ZBTB40: variants seen among roughly 807,000 people sequenced by gnomAD.
The protein encoded by ZBTB40 is zinc finger and BTB domain-containing protein 40.
In ZBTB40, 60 loss-of-function variants were observed where a neutral mutation model predicts 117.5. The ratio of observed to expected loss-of-function variants is 0.51; its 90% CI spans 0.41 to 0.63. The LOEUF (loss-of-function observed/expected upper bound fraction) is 0.63. Ranked by LOEUF, ZBTB40 falls within the 30% of genes least tolerant of loss-of-function variation. The pLI, the probability that ZBTB40 is intolerant of heterozygous loss-of-function variation, is 0.00. For missense variants in ZBTB40, 1,287 were observed against 1,498.5 expected (o/e 0.86, Z 2.33); for synonymous variants, 525 against 577.1 (o/e 0.91, Z 1.29).
intron 1 of ZBTB40, among the ~76,000 whole-genome samples, chr1:22,438,171 A>G (rs974145764): frequency 2.0e-5 from 3 of 152,134 alleles, no homozygotes; most frequent in Admixed American, 1.3e-4. Flanking sequence ...CCATTAAACA[A>G]TAACTCCCCA....
At chr1:22,487,994 G>T (rs186227428) in intron 1 of ZBTB40, among the ~76,000 whole-genome samples, 58 of 152,220 alleles carry the variant, frequency 3.8e-4, no homozygotes, top group African/African-American at 1.3e-3. Context: ...TTATCTGCAT[G>T]CCTCATGCAG....
chr1:22,519,289 T>A (rs1201311490), intron 13 of ZBTB40, among the ~76,000 whole-genome samples: 1 of 152,268 alleles, frequency 6.6e-6, no homozygotes, highest in Non-Finnish European at 1.5e-5. Context: ...GTATTCTTCA[T>A]CACTACTAGT....
intron 13 of ZBTB40, among the ~76,000 whole-genome samples, chr1:22,519,174 A>G (rs143883594): frequency 1.2e-3 from 189 of 152,384 alleles, no homozygotes; most frequent in African/African-American, 3.7e-3. Flanking sequence ...AATCTGAATC[A>G]ATGCACATAA....
At position 22,518,992 on chromosome 1, in the gene ZBTB40, C is replaced by T. The variant is rs139086202; in HGVS notation, c.2834-1069C>T. 2.6e-5 allele frequency among the ~76,000 whole-genome samples: 4 copies of T among 152,262 alleles called. No individual in the cohort carries two copies. The South Asian group carries it at 8.3e-4, about 32-fold the overall frequency. On this transcript the variant is annotated intron_variant, in intron 13 of 17. Transcript: ENST00000375647. ...ATCCGTGGCAGGCCTAGCATCCAGGCCCCCCTCTCTCTCCCATTTCTTGCC... is the reference window on the plus strand; with the variant it reads ...ATCCGTGGCAGGCCTAGCATCCAGGTCCCCCTCTCTCTCCCATTTCTTGCC...
chr1:22,443,382 GA>G (rs1640755066), intron 1 of ZBTB40, among the ~76,000 whole-genome samples: 1 of 152,222 alleles, frequency 6.6e-6, no homozygotes, highest in South Asian at 2.1e-4. Flanking sequence ...TTTCAGCCCA[GA>G]AAGGCAGAAC....
At chr1:22,436,996 C>T (rs1164852997) in intron 1 of ZBTB40, among the ~76,000 whole-genome samples, 2 of 151,924 alleles carry the variant, frequency 1.3e-5, no homozygotes, top group African/African-American at 2.4e-5. Flanking sequence ...GAGTGTTGAA[C>T]TGGGAAAGAG....
At chr1:22,483,798 T>C (rs1218897844) in intron 1 of ZBTB40, among the ~76,000 whole-genome samples, 1 of 152,214 alleles carries the variant, frequency 6.6e-6, no homozygotes, top group African/African-American at 2.4e-5. Context: ...GGATTGTGCC[T>C]TTGGTGTTGT....
rs1638596738 is a variant in ZBTB40, at chr1:22,490,461, G to A, written c.513G>A (p.Val171=). 6.2e-7 allele frequency: 1 copy of A among 1,601,388 alleles called. No individual in the cohort carries two copies. The highest frequency in any genetic ancestry group is 1.3e-5 in the African/African-American group (1 of 74,338). Residue 171 remains valine (V), a synonymous_variant, in exon 2 of 18, where the codon GTG becomes GTA. Coordinates refer to ENST00000375647, the MANE Select transcript of ZBTB40 (RefSeq NM_014870.4). The part of the protein sequence containing the change: ...PELAATPGGP[V]KAETEEAAHS... ...TTGCTGCCACTCCAGGGGGCCCTGT[G>A]AAAGCTGAGACTGAGGAAGCAGCCC...
chr1:22,458,605 A>C (rs1024248544), intron 1 of ZBTB40, among the ~76,000 whole-genome samples: 2 of 152,194 alleles, frequency 1.3e-5, no homozygotes. Flanking sequence ...AATATATGCT[A>C]CTTGAGATGT....
In ZBTB40 at chr1:22,524,286, G is replaced by C. The variant is rs1639616496; in HGVS notation, c.3367G>C (p.Val1123Leu). Reference protein sequence around the residue: ...FRFPGALQHHVTTEHFKQSET... With the variant: ...FRFPGALQHHLTTEHFKQSET... The stretch of plus-strand genomic sequence containing the variant: ...TTTTCCTGGAGCATTGCAGCACCAT[G>C]TCACCACGGAGCACTTCAAGCAGTC... Residue 1123 changes from valine to leucine, a missense_variant, in exon 17 of 18, where the codon GTC becomes CTC. Transcript: ENST00000375647. 7 of 1,614,034 alleles carry C rather than the reference G, an allele frequency of 4.3e-6. No homozygotes were observed. The highest frequency in any genetic ancestry group is 5.9e-6 in the Non-Finnish European group (7 of 1,180,042).
chr1:22,454,858 A>G (rs1354510939), intron 1 of ZBTB40, among the ~76,000 whole-genome samples: 5 of 152,388 alleles, frequency 3.3e-5, no homozygotes, highest in Admixed American at 3.3e-4. Context: ...TGTTACACAT[A>G]TTGCTGAATA....
At chr1:22,484,724 C>G (rs143707388) in intron 1 of ZBTB40, among the ~76,000 whole-genome samples, 6 of 152,290 alleles carry the variant, frequency 3.9e-5, no homozygotes, top group African/African-American at 1.4e-4. Flanking sequence ...TGTTTATAAT[C>G]CCAGCAGGAA....
At position 22,512,091 on chromosome 1, in the gene ZBTB40, A is replaced by G. The variant is rs1557518391; in HGVS notation, c.2418A>G (p.Pro806=). The change falls in exon 11 of 18, where the codon CCA becomes CCG. Residue 806 remains proline (P), a synonymous_variant. Coordinates refer to ENST00000375647, the MANE Select transcript of ZBTB40 (RefSeq NM_014870.4). ...DAPKKKKKRL[P]VTCDLCGREF... ...CCAAGAAGAAGAAGAAGAGGCTTCC[A>G]GTGACATGTGACCTCTGTGGCAGAG... The G allele has an allele frequency of 1.7e-5, 28 of 1,613,792 alleles. No homozygotes were observed. The highest frequency in any genetic ancestry group is 2.4e-5 in the Non-Finnish European group (28 of 1,180,042).
At chr1:22,511,577 A>G in intron 10 of ZBTB40, 99 bp from the exon 11 acceptor site, 3 of 1,360,770 alleles carry the variant, frequency 2.2e-6, no homozygotes, top group Non-Finnish European at 3.0e-6. Context: ...TGAGGATCTC[A>G]AGTAGTCTCT....
At chr1:22,479,920 T>G (rs1019964022) in intron 1 of ZBTB40, among the ~76,000 whole-genome samples, 7 of 152,126 alleles carry the variant, frequency 4.6e-5, no homozygotes, top group African/African-American at 7.2e-5. Flanking sequence ...TTTGTTTTTT[T>G]GGGGGGGACA....
At chr1:22,458,684 A>G (rs1403587014) in intron 1 of ZBTB40, among the ~76,000 whole-genome samples, 43 of 152,224 alleles carry the variant, frequency 2.8e-4, no homozygotes, top group Admixed American at 2.7e-3. Flanking sequence ...CCAACTTCAT[A>G]AACAGGCTCT....
In ZBTB40 at chr1:22,489,871, T is replaced by C. The variant is rs1038949303; in HGVS notation, c.-69-9T>C. The C allele has an allele frequency of 2.7e-5, 38 of 1,425,852 alleles. No homozygotes were observed. Among genetic ancestry groups the C allele is most frequent in the Non-Finnish European group, 3.6e-5 (37 of 1,022,874 alleles). The allele number at this position is 1,425,852 out of a possible 1,614,324, so 88.3% of individuals were successfully genotyped here. On this transcript the variant is annotated splice_polypyrimidine_tract_variant and intron_variant, in intron 1 of 17. Transcript: ENST00000375647. ...AAGTTTTAACCTGGTATTTTGTGGG[T>C]TTCTCTAGGGCCTGTCCTCCCAAAG... is the stretch of plus-strand genomic sequence containing the variant.
intron 4 of ZBTB40, among the ~76,000 whole-genome samples, chr1:22,502,030 A>G (rs759235196): frequency 1.3e-5 from 2 of 152,228 alleles, no homozygotes; most frequent in Admixed American, 1.3e-4. Flanking sequence ...TGGGTTAGGT[A>G]CAAAGCAGTG....
At chr1:22,443,506 G>A (rs151282969) in intron 1 of ZBTB40, among the ~76,000 whole-genome samples, 205 of 152,390 alleles carry the variant, frequency 1.3e-3, no homozygotes, top group African/African-American at 4.7e-3. Context: ...TCAGCAGAAA[G>A]AAATGCTTGA....
Sources: gnomAD v4.1 joint callset for allele counts (sites outside exome capture counted in the v4.1 genomes callset) on GRCh38, gnomAD v4.1.1 for gene constraint, MANE v1.5 for transcripts, NCBI Gene and HGNC (gene_info 2026-07-23, HGNC 2026-07-21) for gene names.